The following CYB5B variants were observed in gnomAD, a reference collection of about 807,000 sequenced individuals.
The protein encoded by CYB5B is cytochrome b5 type B (outer mitochondrial membrane).
A neutral mutation model predicts 21.3 loss-of-function variants in CYB5B; 14 were observed. The observed-to-expected ratio is 0.66, with a 90% CI of 0.43 to 1.03. The LOEUF is 1.03. Ranked by LOEUF, CYB5B falls within the 50% of genes least tolerant of loss-of-function variation. The pLI, the probability that CYB5B is intolerant of heterozygous loss-of-function variation, is 0.00. For missense variants in CYB5B, 166 were observed against 185.1 expected (o/e 0.90, Z 0.60); for synonymous variants, 69 against 68.4 (o/e 1.01, Z -0.04).
chr16:69,431,772 A>G (rs1309128275), intron 1 of CYB5B, among the ~76,000 whole-genome samples: 1 of 152,190 alleles, frequency 6.6e-6, no homozygotes, highest in Non-Finnish European at 1.5e-5. Flanking sequence ...CCTGTCTCCA[A>G]ACAAACAAAA....
At chr16:69,450,468 ACT>A (rs1262915965) in intron 3 of CYB5B, among the ~76,000 whole-genome samples, 1 of 152,020 alleles carries the variant, frequency 6.6e-6, no homozygotes, top group East Asian at 1.9e-4. Flanking sequence ...GTTTCTAGTC[ACT>A]CTGCTCTACT....
At chr16:69,447,651 A>AAAG (rs1362901266) in intron 2 of CYB5B, among the ~76,000 whole-genome samples, 1 of 151,704 alleles carries the variant, frequency 6.6e-6, no homozygotes, top group East Asian at 1.9e-4. Context: ...TCAAAAAAAA[A>AAAG]AAAAAAATTA....
chr16:69,446,303 A>G (rs1465748575), intron 1 of CYB5B, among the ~76,000 whole-genome samples: 2 of 152,068 alleles, frequency 1.3e-5, no homozygotes, highest in African/African-American at 4.8e-5. Context: ...CTGAGGCACT[A>G]CTTTATATAG....
intron 3 of CYB5B, among the ~76,000 whole-genome samples, chr16:69,457,183 CTT>C (rs1164806498): frequency 6.6e-6 from 1 of 152,114 alleles, no homozygotes; most frequent in Non-Finnish European, 1.5e-5. Flanking sequence ...TTTTGGCTGT[CTT>C]TGTTCTCTTT....
chr16:69,425,752 T>C (rs1200470406), intron 1 of CYB5B, among the ~76,000 whole-genome samples: 1 of 152,220 alleles, frequency 6.6e-6, no homozygotes, highest in Non-Finnish European at 1.5e-5. Context: ...CAACTAGTGA[T>C]ATGCAGCCGC....
chr16:69,453,110 CAAAT>C (rs951955205), intron 3 of CYB5B, among the ~76,000 whole-genome samples: 18 of 151,948 alleles, frequency 1.2e-4, no homozygotes, highest in African/African-American at 3.9e-4. Flanking sequence ...TTTTTTAAAA[CAAAT>C]AAAATTGTCT....
chr16:69,455,400 C>CTTT, intron 3 of CYB5B, among the ~76,000 whole-genome samples: 1 of 123,012 alleles, frequency 8.1e-6, no homozygotes, highest in Non-Finnish European at 1.7e-5. Context: ...TTGTTGTTCT[C>CTTT]TTTTTTTTTT....
Position 69,439,331 on chromosome 16 carries a change from C to T in CYB5B, c.175-7819C>T, listed in dbSNP as rs574211157. The stretch of plus-strand genomic sequence containing the variant: ...GTTCAAGCGATTCGACTGCCTCAGC[C>T]TCCCGAATAGCTGGGACTACAGGTG... On this transcript the variant is annotated intron_variant, in intron 1 of 4. Transcript: ENST00000307892. Among the ~76,000 whole-genome samples the T allele has an allele frequency of 5.9e-5, 9 of 152,228 alleles. No individual in the cohort carries two copies. In the East Asian group the frequency reaches 1.7e-3, roughly 29 times the overall value.
rs185976352 is a variant in CYB5B, at chr16:69,443,884, C to A, written c.175-3266C>A. 13 of 156,216 alleles carry A rather than the reference C, an allele frequency of 8.3e-5. No individual in the cohort carries two copies. In the East Asian group the frequency reaches 2.1e-3, roughly 25 times the overall value. 9.7% of individuals were successfully genotyped at this position (156,216 alleles called of 1,614,324 possible). On this transcript the variant is annotated intron_variant, in intron 1 of 4. Transcript: ENST00000307892. ...CAAACAAACAAACAAACAACAACAACAAAAAACAGAGGGTCAGTGGAAATA... is the reference window on the plus strand; with the variant it reads ...CAAACAAACAAACAAACAACAACAAAAAAAAACAGAGGGTCAGTGGAAATA...
At chr16:69,462,307 C>A (rs1190447290) in intron 4 of CYB5B, 123 bp from the exon 5 acceptor site, 8 of 700,650 alleles carry the variant, frequency 1.1e-5, no homozygotes, top group African/African-American at 8.9e-5. Context: ...GTGATAAAAG[C>A]AGTTAAATTT....
At chr16:69,440,889 G>A (rs530496058) in intron 1 of CYB5B, among the ~76,000 whole-genome samples, 1 of 151,816 alleles carries the variant, frequency 6.6e-6, no homozygotes, top group East Asian at 1.9e-4. Context: ...GAACTCCCAG[G>A]CTCAAGCGAT....
intron 1 of CYB5B, among the ~76,000 whole-genome samples, chr16:69,440,773 T>C (rs918478366): frequency 7.2e-5 from 11 of 151,910 alleles, no homozygotes; most frequent in African/African-American, 2.7e-4. Flanking sequence ...TGTGTGTAAA[T>C]ACATATATCT....
chr16:69,440,956 G>A (rs984432966), intron 1 of CYB5B, among the ~76,000 whole-genome samples: 2 of 151,612 alleles, frequency 1.3e-5, no homozygotes, highest in Middle Eastern at 3.2e-3. Flanking sequence ...GCCGTGCCTG[G>A]CCTTCATTTG....
chr16:69,444,648 C>T (rs1222957476), intron 1 of CYB5B, among the ~76,000 whole-genome samples: 1 of 151,872 alleles, frequency 6.6e-6, no homozygotes, highest in East Asian at 1.9e-4. Context: ...ATCACTCTGA[C>T]CCCCACTTGC....
rs914516557 is a variant in CYB5B at position 69,431,756 on chromosome 16, C to T, written c.174+6899C>T. ...TACTGCACTCCAGCCTGGGTGACAG[C>T]GAGACCCTGTCTCCAAACAAACAAA... On this transcript the variant is annotated intron_variant, in intron 1 of 4. Transcript: ENST00000307892. Among the ~76,000 whole-genome samples the T allele has an allele frequency of 7.2e-4, 110 of 152,100 alleles. 2 individuals carry two copies. The highest frequency in any genetic ancestry group is 3.2e-3 in the Middle Eastern group (1 of 316).
chr16:69,424,909 A>C, intron 1 of CYB5B, 52 bp downstream of exon 1: 1 of 1,489,086 alleles, frequency 6.7e-7, no homozygotes, highest in Non-Finnish European at 9.0e-7. Flanking sequence ...GAGGGGTGAA[A>C]AGGCTGTGTG....
At position 69,462,746 on chromosome 16, in the gene CYB5B, C is replaced by T. The variant is rs190207594; in HGVS notation, c.*226C>T. ...TCACTGTTCCGTGTTGAACAATTGC[C>T]GGTGTTTCCTCTCTTCACTGGTTTC... On this transcript the variant is annotated 3_prime_UTR_variant, in exon 5 of 5. Coordinates refer to ENST00000307892, the MANE Select transcript of CYB5B (RefSeq NM_030579.3). The T allele has an allele frequency of 8.6e-5, 42 of 490,468 alleles. No individual in the cohort carries two copies. The highest frequency in any genetic ancestry group is 5.5e-4 in the Admixed American group (17 of 30,976). The allele number at this position is 490,468 out of a possible 1,614,324, so 30.4% of individuals were successfully genotyped here. A position where few individuals can be genotyped will look rare whatever the true frequency, so the allele number is the denominator to read the frequency against.
At chr16:69,436,766 T>A (rs2014764302) in intron 1 of CYB5B, among the ~76,000 whole-genome samples, 1 of 152,216 alleles carries the variant, frequency 6.6e-6, no homozygotes, top group Non-Finnish European at 1.5e-5. Flanking sequence ...CATTGTTATA[T>A]TTTTATTACA....
chr16:69,461,954 T>C (rs1437620813), intron 4 of CYB5B, among the ~76,000 whole-genome samples: 1 of 152,256 alleles, frequency 6.6e-6, no homozygotes, highest in African/African-American at 2.4e-5. Context: ...ATGAAGCAGA[T>C]AGGATATTTC....
Sources: allele counts gnomAD v4.1 joint callset (sites outside exome capture counted in the v4.1 genomes callset), GRCh38; gene constraint gnomAD v4.1.1; transcripts MANE v1.5; gene names NCBI Gene and HGNC (gene_info 2026-07-23, HGNC 2026-07-21).